The following DHRS2 variants were observed in gnomAD, a reference collection of about 807,000 sequenced individuals.
DHRS2 encodes dehydrogenase/reductase SDR family member 2, mitochondrial.
In DHRS2, 29 loss-of-function variants were observed where a neutral mutation model predicts 26.3. That is an observed-to-expected ratio of 1.10 (90% CI 0.82 to 1.50). The LOEUF is 1.50. DHRS2 is among the 40% of genes most tolerant of loss of function. The pLI, the probability that DHRS2 is intolerant of heterozygous loss-of-function variation, is 0.00. For missense variants in DHRS2, 439 were observed against 367.1 expected (o/e 1.20, Z -1.60); for synonymous variants, 164 against 151.3 (o/e 1.08, Z -0.62).
At chr14:23,637,377 T>C (rs190187385) in intron 1 of DHRS2, among the ~76,000 whole-genome samples, 1 of 152,316 alleles carries the variant, frequency 6.6e-6, no homozygotes, top group East Asian at 1.9e-4. Flanking sequence ...GGGAACTATC[T>C]GGAATTTTAG....
chr14:23,638,703 TA>T, intron 1 of DHRS2, 123 bp from the exon 2 acceptor site: 4 of 1,019,112 alleles, frequency 3.9e-6, no homozygotes, highest in Non-Finnish European at 4.3e-6. Context: ...AAATTTACCC[TA>T]ACCAGCCTGA....
intron 1 of DHRS2, 115 bp downstream of exon 1, chr14:23,636,887 A>G (rs1391902487): frequency 6.6e-6 from 1 of 152,220 alleles, no homozygotes; most frequent in Non-Finnish European, 1.5e-5. Flanking sequence ...CAGCCGCTGG[A>G]CTAAAAACGT....
At chr14:23,641,940 G>T in intron 4 of DHRS2, 1 of 1,161,462 alleles carries the variant, frequency 8.6e-7, no homozygotes, top group Non-Finnish European at 1.1e-6. Flanking sequence ...AGGGACTCCT[G>T]GTGCCATGTC....
chr14:23,644,327 G>A (rs926636969), intron 6 of DHRS2, 82 bp from the exon 7 acceptor site: 6 of 1,593,332 alleles, frequency 3.8e-6, no homozygotes, highest in Non-Finnish European at 5.2e-6. Context: ...CTGGGCCTGT[G>A]AGATCCCTGT....
intron 1 of DHRS2, among the ~76,000 whole-genome samples, chr14:23,637,177 AAACTTTCTCTCTCCTCTC>A (rs1330816343): frequency 6.6e-6 from 1 of 152,154 alleles, no homozygotes; most frequent in Non-Finnish European, 1.5e-5. Flanking sequence ...CCTGCCAGAC[AAACTTTCTCTCTCCTCTC>A]TTCTCCTAGG....
chr14:23,644,385 T>C (rs755041548), intron 6 of DHRS2, 24 bp from the exon 7 acceptor site: 4 of 1,613,818 alleles, frequency 2.5e-6, no homozygotes, highest in Middle Eastern at 1.7e-4. Context: ...CATATCCTAA[T>C]CACTCTGTCA....
At chr14:23,639,766 CCA>C in intron 3 of DHRS2, 26 bp from the exon 4 acceptor site, 1 of 1,585,298 alleles carries the variant, frequency 6.3e-7, no homozygotes, top group Non-Finnish European at 8.6e-7. Context: ...CAGGCCATCT[CCA>C]CACTCATCCA....
At position 23,638,588 on chromosome 14, in the gene DHRS2, C is replaced by T. The variant is rs951787935; in HGVS notation, c.-38-239C>T. 1.0e-5 allele frequency: 4 copies of T among 385,986 alleles called. No individual in the cohort carries two copies. The East Asian group carries it at 1.7e-4, about 16-fold the overall frequency. 23.9% of individuals were successfully genotyped at this position (385,986 alleles called of 1,614,324 possible). A position where few individuals can be genotyped will look rare whatever the true frequency, so the allele number is the denominator to read the frequency against. On this transcript the variant is annotated intron_variant, in intron 1 of 8. Transcript: ENST00000250383. Reference sequence around the variant, plus strand: ...CAATGGATGGAAAAATCACCCTTGTCTAATGAATGTTGAGTCTCACATTTT... The same window carrying T: ...CAATGGATGGAAAAATCACCCTTGTTTAATGAATGTTGAGTCTCACATTTT...
chr14:23,642,281 C>A, intron 4 of DHRS2: 4 of 500,478 alleles, frequency 8.0e-6, no homozygotes, highest in Non-Finnish European at 1.0e-5. Context: ...GTCCTTATCA[C>A]ATGCTGTGAA....
At chr14:23,637,197 TCTC>T (rs986536430) in intron 1 of DHRS2, among the ~76,000 whole-genome samples, 3 of 152,156 alleles carry the variant, frequency 2.0e-5, no homozygotes, top group African/African-American at 7.2e-5. Flanking sequence ...TCTCCTCTCT[TCTC>T]CTAGGCTAGT....
chr14:23,639,378 G>A (rs568373479), intron 3 of DHRS2, 22 bp downstream of exon 3: 1 of 1,550,594 alleles, frequency 6.4e-7, no homozygotes, highest in South Asian at 1.3e-5. Context: ...GGCGGTGGAA[G>A]GACACAGAGA....
chr14:23,631,231 T>A (rs543755169), intron 1 of DHRS2, among the ~76,000 whole-genome samples: 1 of 152,322 alleles, frequency 6.6e-6, no homozygotes, highest in Non-Finnish European at 1.5e-5. Flanking sequence ...AGGTTAGAAT[T>A]TGGTATCTTA....
intron 4 of DHRS2, chr14:23,641,322 C>T (rs780564125): frequency 1.1e-4 from 22 of 202,326 alleles, no homozygotes; most frequent in Non-Finnish European, 1.7e-4. Flanking sequence ...GTTGGGAAAC[C>T]TCTGATCTGT....
rs570092444 is a variant in DHRS2 at position 23,639,058 on chromosome 14, C to T, written c.140+54C>T. The T allele has an allele frequency of 2.3e-5, 36 of 1,599,540 alleles. No homozygotes were observed. In the South Asian group the frequency reaches 3.6e-4, roughly 16 times the overall value. On this transcript the variant is annotated intron_variant, in intron 2 of 8. Transcript: ENST00000250383. ...GCCCCTCACAGGGTCCTTGTGGCTT[C>T]CACAAGGACTCAGGGTTTTAAAGCA...
chr14:23,631,539 T>C (rs1231801052), upstream of DHRS2, among the ~76,000 whole-genome samples: 1 of 151,568 alleles, frequency 6.6e-6, no homozygotes, highest in African/African-American at 2.4e-5. Flanking sequence ...ATCTTTGTTT[T>C]CTTCCTCTAC....
At chr14:23,637,166 G>A (rs757794135) in intron 1 of DHRS2, among the ~76,000 whole-genome samples, 1 of 152,132 alleles carries the variant, frequency 6.6e-6, no homozygotes, top group African/African-American at 2.4e-5. Context: ...GGGTCCTAAT[G>A]CCTGCCAGAC....
At chr14:23,631,548 A>ACCCC (rs199914931), upstream of DHRS2, among the ~76,000 whole-genome samples, 2 of 147,136 alleles carry the variant, frequency 1.4e-5, no homozygotes, top group African/African-American at 5.0e-5. Context: ...TTCTTCCTCT[A>ACCCC]CCCCCCCCAC....
chr14:23,637,167 C>G (rs1242454741), intron 1 of DHRS2, among the ~76,000 whole-genome samples: 1 of 152,166 alleles, frequency 6.6e-6, no homozygotes, highest in African/African-American at 2.4e-5. Context: ...GGTCCTAATG[C>G]CTGCCAGACA....
In DHRS2 at chr14:23,638,911, G is replaced by A. The variant is rs1488680570; in HGVS notation, c.47G>A (p.Cys16Tyr). The A allele has an allele frequency of 6.2e-7, 1 of 1,614,220 alleles. No individual in the cohort carries two copies. Among genetic ancestry groups the A allele is most frequent in the Non-Finnish European group, 8.5e-7 (1 of 1,180,042 alleles). ...GGCTACCAGGGCTGGTTTCATCCCT[G>A]TGCTAGGCTTTCTGTGAGGATGAGC... ...ARGYQGWFHP[C>Y]ARLSVRMSST... Residue 16 changes from cysteine (C) to tyrosine (Y), a missense_variant, in exon 2 of 9, where the codon TGT becomes TAT. Physicochemically the swap from Cys to Tyr is radical, Grantham distance 194. Coordinates refer to ENST00000250383, the MANE Select transcript of DHRS2 (RefSeq NM_005794.4).
Sources: gnomAD v4.1 joint callset for allele counts (sites outside exome capture counted in the v4.1 genomes callset) on GRCh38, gnomAD v4.1.1 for gene constraint, MANE v1.5 for transcripts, NCBI Gene and HGNC (gene_info 2026-07-23, HGNC 2026-07-21) for gene names.